Variants in TANC2 observed in about 807,000 individuals in gnomAD.
TANC2 encodes protein TANC2.
In TANC2, 26 loss-of-function variants were observed where a neutral mutation model predicts 210.5. The observed-to-expected ratio is 0.12, with a 90% confidence interval of 0.09 to 0.17. TANC2 has a LOEUF of 0.17. Ranked by LOEUF, TANC2 falls within the 10% of genes least tolerant of loss-of-function variation. The pLI is 1.00. For synonymous variants in TANC2, 931 were observed against 967.1 expected, an observed-to-expected ratio of 0.96 and a Z score of 0.69; for missense variants, 2,129 against 2,608.9, an observed-to-expected ratio of 0.82 and a Z score of 4.01.
At chr17:63,212,174 T>C (rs2041907480) in intron 7 of TANC2, among the ~76,000 whole-genome samples, 1 of 152,014 alleles carries the variant, frequency 6.6e-6, no homozygotes. Context: ...ACACCTGGCA[T>C]TTTTTAAATT....
chr17:63,002,152 C>T (rs1283888126), intron 1 of TANC2, among the ~76,000 whole-genome samples: 2 of 152,206 alleles, frequency 1.3e-5, no homozygotes, highest in East Asian at 3.9e-4. Context: ...GAGTTGCCCT[C>T]CCCTGGAATT....
chr17:63,361,973 A>G (rs1321717266), intron 14 of TANC2, among the ~76,000 whole-genome samples: 4 of 151,568 alleles, frequency 2.6e-5, no homozygotes. Flanking sequence ...CAAGTGTACA[A>G]CCCTCAGCAG....
intron 7 of TANC2, among the ~76,000 whole-genome samples, chr17:63,226,855 T>C (rs1462011429): frequency 6.6e-6 from 1 of 152,182 alleles, no homozygotes; most frequent in Non-Finnish European, 1.5e-5. Flanking sequence ...ATGCAATGTT[T>C]GGTTTTCTAT....
At chr17:63,178,256 C>T (rs2040659202) in intron 5 of TANC2, among the ~76,000 whole-genome samples, 1 of 152,132 alleles carries the variant, frequency 6.6e-6, no homozygotes, top group African/African-American at 2.4e-5. Context: ...TGGCGTGAAC[C>T]CGGGAGGCGG....
At chr17:63,277,414 T>A (rs1455701771) in intron 9 of TANC2, among the ~76,000 whole-genome samples, 1 of 152,038 alleles carries the variant, frequency 6.6e-6, no homozygotes, top group Non-Finnish European at 1.5e-5. Flanking sequence ...ACCCATCAGT[T>A]ATCTTTTCTG....
chr17:63,091,510 C>A (rs1167998821), intron 3 of TANC2, among the ~76,000 whole-genome samples: 1 of 152,080 alleles, frequency 6.6e-6, no homozygotes, highest in Non-Finnish European at 1.5e-5. Flanking sequence ...TGTCAAAGAT[C>A]AGATGGTTGT....
At chr17:62,985,516 T>C (rs1164504400) in intron 1 of TANC2, among the ~76,000 whole-genome samples, 1 of 152,162 alleles carries the variant, frequency 6.6e-6, no homozygotes, top group Non-Finnish European at 1.5e-5. Context: ...TAATATTTGC[T>C]CACTTAAAGG....
At chr17:63,247,449 AT>A (rs904214029) in intron 8 of TANC2, among the ~76,000 whole-genome samples, 10 of 150,892 alleles carry the variant, frequency 6.6e-5, no homozygotes, top group African/African-American at 2.4e-4. Context: ...AATACTTAAT[AT>A]TTTTTCCCTC....
intron 9 of TANC2, among the ~76,000 whole-genome samples, chr17:63,285,788 G>A (rs2044202674): frequency 6.6e-6 from 1 of 152,150 alleles, no homozygotes; most frequent in Non-Finnish European, 1.5e-5. Context: ...TTGGCGTGTG[G>A]TCATACAGAC....
chr17:63,082,264 TA>T (rs951968026), intron 3 of TANC2, among the ~76,000 whole-genome samples: 2 of 152,176 alleles, frequency 1.3e-5, no homozygotes, highest in Admixed American at 6.5e-5. Context: ...ATAAAAGTTA[TA>T]AAAAAACTTT....
chr17:63,263,099 C>T (rs578183889), intron 8 of TANC2, among the ~76,000 whole-genome samples: 20 of 152,100 alleles, frequency 1.3e-4, no homozygotes, highest in South Asian at 2.1e-4. Context: ...ATAACTAAGA[C>T]GGGAAACATA....
chr17:63,002,187 A>G (rs567356187), intron 1 of TANC2, among the ~76,000 whole-genome samples: 1 of 152,288 alleles, frequency 6.6e-6, no homozygotes, highest in African/African-American at 2.4e-5. Flanking sequence ...TTTGTATCTC[A>G]ATGATTAATA....
At chr17:63,245,325 T>C (rs534445180) in intron 8 of TANC2, among the ~76,000 whole-genome samples, 7 of 152,240 alleles carry the variant, frequency 4.6e-5, no homozygotes, top group Admixed American at 4.6e-4. Context: ...CAATGAACTT[T>C]TTGAAGACTC....
chr17:63,125,336 A>G (rs1001943699), intron 4 of TANC2: 2 of 152,210 alleles, frequency 1.3e-5, no homozygotes, highest in African/African-American at 4.8e-5. Flanking sequence ...TGATGCTGTC[A>G]CTTAATAGCA....
intron 24 of TANC2, chr17:63,413,085 G>A (rs550593567): frequency 4.2e-6 from 1 of 237,526 alleles, no homozygotes; most frequent in South Asian, 1.2e-4. Flanking sequence ...GGAAACTTTA[G>A]AGTTATCAGT....
chr17:63,304,180 T>A (rs571135720), intron 9 of TANC2, among the ~76,000 whole-genome samples: 2 of 152,064 alleles, frequency 1.3e-5, no homozygotes, highest in African/African-American at 4.8e-5. Context: ...GCCTTTTGAG[T>A]TTTCAGCATT....
rs187827530 is a variant in TANC2 at position 63,401,631 on chromosome 17, C to T, written c.3331+2717C>T. On this transcript the variant is annotated intron_variant, in intron 19 of 27. Coordinates refer to ENST00000689528, the Ensembl canonical transcript of TANC2. Reference sequence around the variant, plus strand: ...GCCTCTTTATCTTTCCAGATGTCATCATCTTACATCCAGCTTTCACTATCT... The same window carrying T: ...GCCTCTTTATCTTTCCAGATGTCATTATCTTACATCCAGCTTTCACTATCT... 1.5e-3 allele frequency among the ~76,000 whole-genome samples: 234 copies of T among 152,294 alleles called. 1 individual carries two copies. The highest frequency in any genetic ancestry group is 5.5e-3 in the African/African-American group (227 of 41,542).
intron 2 of TANC2, among the ~76,000 whole-genome samples, chr17:63,019,059 T>A (rs2034238065): frequency 6.6e-6 from 1 of 152,192 alleles, no homozygotes; most frequent in South Asian, 2.1e-4. Flanking sequence ...AGGGCAAATG[T>A]CCGGGAGTGC....
Position 63,418,491 on chromosome 17 carries a change from T to G in TANC2, c.4268+84T>G. 8.5e-7 allele frequency: 1 copy of G among 1,182,744 alleles called. No individual in the cohort carries two copies. The highest frequency in any genetic ancestry group is 1.2e-6 in the Non-Finnish European group (1 of 826,094). 73.3% of individuals were successfully genotyped at this position (1,182,744 alleles called of 1,614,324 possible). ...GCAGCGTCGGCCACCCTGGGGCATA[T>G]GTACCCAAATACATCTCTGTCCTTG... On this transcript the variant is annotated intron_variant, in intron 27 of 27. Transcript: ENST00000689528. The surrounding 1 kb of genome is among the most constrained non-coding windows in gnomAD (Gnocchi z 4.6).
Sources: allele counts gnomAD v4.1 joint callset (sites outside exome capture counted in the v4.1 genomes callset), GRCh38; gene constraint gnomAD v4.1.1; non-coding constraint Gnocchi (gnomAD v3.1); transcripts MANE v1.5; gene names NCBI Gene and HGNC (gene_info 2026-07-23, HGNC 2026-07-21).